Variants in L3MBTL4 observed in about 807,000 individuals in gnomAD.
The protein encoded by L3MBTL4 is lethal(3)malignant brain tumor-like protein 4.
Under a neutral mutation model 84.5 loss-of-function variants are expected in L3MBTL4, and 70 were observed. That is an observed-to-expected ratio of 0.83 (90% CI 0.68 to 1.01). The LOEUF (loss-of-function observed/expected upper bound fraction) is 1.01, where lower values mean the gene tolerates loss of function less well. Among genes scored for constraint, L3MBTL4 ranks in the 50% least tolerant of loss-of-function variants. L3MBTL4 has a pLI of 0.00. For missense variants in L3MBTL4, 715 were observed against 754.8 expected (o/e 0.95, Z 0.62); for synonymous variants, 274 against 259.8 (o/e 1.05, Z -0.52).
At chr18:6,022,539 C>T (rs1208950980) in intron 16 of L3MBTL4, among the ~76,000 whole-genome samples, 1 of 152,220 alleles carries the variant, frequency 6.6e-6, no homozygotes, top group African/African-American at 2.4e-5. Flanking sequence ...TCTAATTTAG[C>T]ACTGCTCAAA....
chr18:6,108,421 G>A (rs1479151418), intron 14 of L3MBTL4, among the ~76,000 whole-genome samples: 1 of 152,072 alleles, frequency 6.6e-6, no homozygotes, highest in Non-Finnish European at 1.5e-5. Flanking sequence ...TGTGTTGTTG[G>A]CAAATCTGTG....
At chr18:6,018,651 G>A (rs2055109617) in intron 16 of L3MBTL4, among the ~76,000 whole-genome samples, 1 of 152,170 alleles carries the variant, frequency 6.6e-6, no homozygotes, top group African/African-American at 2.4e-5. Context: ...TGAATTCTGA[G>A]GGCCAGTTGG....
intron 1 of L3MBTL4, among the ~76,000 whole-genome samples, chr18:6,348,585 A>T (rs2053031972): frequency 2.0e-5 from 3 of 152,194 alleles, no homozygotes; most frequent in Non-Finnish European, 4.4e-5. Context: ...AATGTTAAAA[A>T]GTACAGCAAC....
intron 4 of L3MBTL4, among the ~76,000 whole-genome samples, chr18:6,271,770 G>A (rs2048881088): frequency 2.0e-5 from 3 of 152,130 alleles, no homozygotes. Flanking sequence ...GCGTTGGAAG[G>A]AGGCGACAGA....
intron 16 of L3MBTL4, among the ~76,000 whole-genome samples, chr18:5,972,836 G>T: frequency 6.6e-6 from 1 of 151,278 alleles, no homozygotes; most frequent in East Asian, 1.9e-4. Flanking sequence ...TGGGGTAATA[G>T]GAGGGAGACA....
chr18:6,288,105 G>T (rs914619865), intron 4 of L3MBTL4, among the ~76,000 whole-genome samples: 1 of 152,218 alleles, frequency 6.6e-6, no homozygotes, highest in Non-Finnish European at 1.5e-5. Flanking sequence ...AAATAATCTG[G>T]ATCCAACTGT....
At chr18:6,171,092 G>C (rs146708776) in intron 13 of L3MBTL4, among the ~76,000 whole-genome samples, 2 of 152,270 alleles carry the variant, frequency 1.3e-5, no homozygotes, top group Non-Finnish European at 2.9e-5. Flanking sequence ...CATTAGGCTG[G>C]CTCCATGTAA....
chr18:6,191,655 G>C (rs1434309168), intron 12 of L3MBTL4, among the ~76,000 whole-genome samples: 8 of 152,160 alleles, frequency 5.3e-5, no homozygotes, highest in Admixed American at 4.6e-4. Context: ...AGTTAGGGAA[G>C]AGCAGAGGTC....
chr18:6,393,235 T>C (rs2055132367), intron 1 of L3MBTL4, among the ~76,000 whole-genome samples: 1 of 152,184 alleles, frequency 6.6e-6, no homozygotes, highest in African/African-American at 2.4e-5. Context: ...CTCTGTGCAC[T>C]ATCTCACGTT....
intron 4 of L3MBTL4, among the ~76,000 whole-genome samples, chr18:6,267,231 C>T (rs2048674197): frequency 6.6e-6 from 1 of 152,180 alleles, no homozygotes; most frequent in Admixed American, 6.5e-5. Flanking sequence ...TCTGTCACAA[C>T]ACTAACTCGT....
chr18:6,157,250 G>T (rs1379073785), intron 13 of L3MBTL4, among the ~76,000 whole-genome samples: 1 of 152,150 alleles, frequency 6.6e-6, no homozygotes, highest in Non-Finnish European at 1.5e-5. Context: ...AAGTACTAAA[G>T]ATTCCTTGTG....
At chr18:6,050,667 G>T (rs975275595) in intron 16 of L3MBTL4, among the ~76,000 whole-genome samples, 2 of 151,732 alleles carry the variant, frequency 1.3e-5, no homozygotes, top group African/African-American at 2.4e-5. Flanking sequence ...AGCTCCATGG[G>T]CTGCTGCTGT....
chr18:6,110,058 T>A (rs1240326147), intron 14 of L3MBTL4, among the ~76,000 whole-genome samples: 1 of 151,928 alleles, frequency 6.6e-6, no homozygotes, highest in Admixed American at 6.5e-5. Flanking sequence ...TATTTACTAA[T>A]GGCCCACAGA....
intron 16 of L3MBTL4, chr18:6,017,789 T>A (rs2055064696): frequency 6.6e-6 from 1 of 152,352 alleles, no homozygotes; most frequent in Non-Finnish European, 1.5e-5. Context: ...TCCATGGGAA[T>A]CTTTAGTAAA....
At chr18:6,111,053 T>C (rs767345944) in intron 14 of L3MBTL4, among the ~76,000 whole-genome samples, 1 of 151,380 alleles carries the variant, frequency 6.6e-6, no homozygotes, top group African/African-American at 2.4e-5. Flanking sequence ...AGACCAAGAG[T>C]TGCATTCACC....
intron 3 of L3MBTL4, among the ~76,000 whole-genome samples, chr18:6,305,814 C>A (rs1366812302): frequency 1.3e-5 from 2 of 152,226 alleles, no homozygotes; most frequent in Non-Finnish European, 2.9e-5. Context: ...CATGCTTTTA[C>A]TACAAGGCAC....
At chr18:6,136,824 T>C (rs1052995773) in intron 14 of L3MBTL4, among the ~76,000 whole-genome samples, 17 of 152,340 alleles carry the variant, frequency 1.1e-4, no homozygotes, top group Middle Eastern at 3.4e-3. Context: ...TTGTGTGTTT[T>C]GTCCATTTCT....
At chr18:6,313,098 G>T (rs1040222485) in intron 1 of L3MBTL4, among the ~76,000 whole-genome samples, 1 of 152,154 alleles carries the variant, frequency 6.6e-6, no homozygotes, top group African/African-American at 2.4e-5. Context: ...TACCTTTATT[G>T]TAGTTTTTGT....
intron 15 of L3MBTL4, among the ~76,000 whole-genome samples, chr18:6,083,294 AGGGT>A (rs1025963465): frequency 3.3e-5 from 5 of 152,214 alleles, no homozygotes; most frequent in African/African-American, 1.2e-4. Flanking sequence ...CTCGAGAATT[AGGGT>A]GGAACAGAAC....
Sources: gnomAD v4.1 joint callset for allele counts (sites outside exome capture counted in the v4.1 genomes callset) on GRCh38, gnomAD v4.1.1 for gene constraint, MANE v1.5 for transcripts, NCBI Gene and HGNC (gene_info 2026-07-23, HGNC 2026-07-21) for gene names.